STK32C: variants seen among roughly 807,000 people sequenced by gnomAD.
STK32C encodes the protein serine/threonine-protein kinase 32C.
Under a neutral mutation model 56.5 loss-of-function variants are expected in STK32C, and 31 were observed. The ratio of observed to expected loss-of-function variants is 0.55; its 90% CI spans 0.41 to 0.74. STK32C has a LOEUF of 0.74. Among genes scored for constraint, STK32C ranks in the 30% least tolerant of loss-of-function variants. The probability of loss-of-function intolerance (pLI) is 0.00; values close to 1 mark genes in which losing one functional copy is unlikely to be tolerated. For missense variants in STK32C, 544 were observed against 676.9 expected (o/e 0.80, Z 2.18); for synonymous variants, 309 against 289.4 (o/e 1.07, Z -0.69).
At chr10:132,215,736 T>C (rs899974307) in intron 10 of STK32C, among the ~76,000 whole-genome samples, 1 of 152,138 alleles carries the variant, frequency 6.6e-6, no homozygotes, top group South Asian at 2.1e-4. Context: ...TACCTGAAAA[T>C]GTGGAAGCAA....
chr10:132,217,304 A>G (rs2062502900), intron 10 of STK32C, among the ~76,000 whole-genome samples: 1 of 152,224 alleles, frequency 6.6e-6, no homozygotes, highest in African/African-American at 2.4e-5. Flanking sequence ...TGGGGCCTGT[A>G]GCCCCTTTGT....
At chr10:132,219,565 C>T (rs1283100380) in intron 10 of STK32C, among the ~76,000 whole-genome samples, 1 of 152,200 alleles carries the variant, frequency 6.6e-6, no homozygotes, top group East Asian at 1.9e-4. Flanking sequence ...CCAATGGGGG[C>T]AATGCCAAAG....
rs530150123 is a variant in STK32C, at chr10:132,276,695, G to A, written c.263-30740C>T. Among the ~76,000 whole-genome samples the A allele has an allele frequency of 2.0e-3, 311 of 152,272 alleles. 1 individual carries two copies. Among genetic ancestry groups the A allele is most frequent in the Non-Finnish European group, 3.6e-3 (243 of 68,012 alleles). On this transcript the variant is annotated intron_variant, in intron 1 of 11. Coordinates refer to ENST00000298630, the MANE Select transcript of STK32C (RefSeq NM_173575.4). Reference sequence around the variant, plus strand: ...CCAGCTACTCAGGAGACTGGGGCGGGAGGATTGCTTGAGCCCAGGAGCTCA... The same window carrying A: ...CCAGCTACTCAGGAGACTGGGGCGGAAGGATTGCTTGAGCCCAGGAGCTCA...
At chr10:132,292,363 TCA>T (rs1051598600) in intron 1 of STK32C, among the ~76,000 whole-genome samples, 3 of 152,020 alleles carry the variant, frequency 2.0e-5, no homozygotes, top group African/African-American at 4.8e-5. Context: ...CACTCAATGC[TCA>T]CACACTCACC....
chr10:132,257,162 C>T (rs1337915336), intron 1 of STK32C, among the ~76,000 whole-genome samples: 1 of 152,136 alleles, frequency 6.6e-6, no homozygotes, highest in East Asian at 1.9e-4. Context: ...GGGGGTGAGG[C>T]CTGTGGATAC....
At position 132,208,206 on chromosome 10, in the gene STK32C, G is replaced by A. The variant is rs1024418843; in HGVS notation, c.1320-55C>T. The stretch of plus-strand genomic sequence containing the variant: ...TATGCCCCCACCTCCCTGGCCTCAC[G>A]GTCCCATGACCTGCCCACGGGCTCA... On this transcript the variant is annotated intron_variant, in intron 11 of 11. Transcript: ENST00000298630. 52 of 1,290,222 alleles carry A rather than the reference G, an allele frequency of 4.0e-5. No individual in the cohort carries two copies. The Admixed American group carries it at 7.2e-4, about 18-fold the overall frequency. The allele number at this position is 1,290,222 out of a possible 1,614,324, so 79.9% of individuals were successfully genotyped here.
At chr10:132,311,884 A>G (rs1345831852), upstream of STK32C, among the ~76,000 whole-genome samples, 1 of 152,208 alleles carries the variant, frequency 6.6e-6, no homozygotes, top group Non-Finnish European at 1.5e-5. This position sits in a 1 kb window ranked among gnomAD's most constrained non-coding sequence, Gnocchi z 4.4. Flanking sequence ...GCCGGCACGG[A>G]CATGTCCTTT....
At chr10:132,292,123 C>G (rs2065584296) in intron 1 of STK32C, among the ~76,000 whole-genome samples, 1 of 152,170 alleles carries the variant, frequency 6.6e-6, no homozygotes, top group African/African-American at 2.4e-5. Flanking sequence ...AACACTTCAG[C>G]TACTCTCTAA....
At position 132,284,304 on chromosome 10, in the gene STK32C, A is replaced by AG. The variant is rs2065310533; in HGVS notation, c.262+23267dup. On this transcript the variant is annotated intron_variant, in intron 1 of 11. Transcript: ENST00000298630. The stretch of plus-strand genomic sequence containing the variant: ...CAGGTGAGGTTGGGGGGGGCAGGTG[A>AG]GGTTGGGGGGGCAGGTGAGGTTGGG... Among the ~76,000 whole-genome samples, 3 of 54,708 alleles carry AG rather than the reference A, an allele frequency of 5.5e-5. No homozygotes were observed. In the East Asian group the frequency reaches 1.7e-3, roughly 31 times the overall value. The allele number at this position is 54,708 out of a possible 152,430, so 35.9% of individuals were successfully genotyped here.
In STK32C at chr10:132,207,781, C is replaced by T. The variant is rs1209756209; in HGVS notation, c.*229G>A. On this transcript the variant is annotated 3_prime_UTR_variant, in exon 12 of 12. Transcript: ENST00000298630. ...CCCAGCAGCGCTTCCTCCATCTAGG[C>T]GGGTCTCGGGGGCCCACGGGAAATG... is the stretch of plus-strand genomic sequence containing the variant. 1.3e-5 allele frequency: 6 copies of T among 455,038 alleles called. No homozygotes were observed. Among genetic ancestry groups the T allele is most frequent in the Admixed American group, 9.0e-5 (2 of 22,102 alleles). The allele number at this position is 455,038 out of a possible 1,614,324, so 28.2% of individuals were successfully genotyped here.
At chr10:132,212,819 A>G (rs143636736) in intron 10 of STK32C, among the ~76,000 whole-genome samples, 38 of 152,346 alleles carry the variant, frequency 2.5e-4, no homozygotes, top group Admixed American at 5.2e-4. Context: ...ATGAAAATCA[A>G]TGACTTTTCC....
intron 4 of STK32C, among the ~76,000 whole-genome samples, chr10:132,226,456 G>A (rs989258387): frequency 6.6e-6 from 1 of 152,182 alleles, no homozygotes; most frequent in Non-Finnish European, 1.5e-5. Context: ...GGGATGTGGT[G>A]GATGGGCAAA....
intron 1 of STK32C, among the ~76,000 whole-genome samples, chr10:132,265,885 C>A (rs1295057086): frequency 6.6e-6 from 1 of 152,168 alleles, no homozygotes; most frequent in Non-Finnish European, 1.5e-5. Flanking sequence ...GGCACCTTGA[C>A]CCACATGCTA....
chr10:132,231,120 C>T (rs549840911), intron 2 of STK32C, among the ~76,000 whole-genome samples: 78 of 152,334 alleles, frequency 5.1e-4, no homozygotes, highest in Non-Finnish European at 1.0e-3. Context: ...GGCCCTGTGA[C>T]CCAAGCCTGC....
intron 1 of STK32C, among the ~76,000 whole-genome samples, chr10:132,262,052 G>A (rs1396396892): frequency 1.3e-5 from 2 of 152,034 alleles, no homozygotes; most frequent in Non-Finnish European, 2.9e-5. Flanking sequence ...TCTACTACAG[G>A]GCCAAAGTAA....
At position 132,207,761 on chromosome 10, in the gene STK32C, C is replaced by T. The variant is rs187825145; in HGVS notation, c.*249G>A. The T allele has an allele frequency of 4.8e-5, 19 of 397,308 alleles. No individual in the cohort carries two copies. In the Admixed American group the frequency reaches 6.0e-4, roughly 13 times the overall value. The allele number at this position is 397,308 out of a possible 1,614,324, so 24.6% of individuals were successfully genotyped here. ...CCGTGAGCGGTAAGAGGGCGCCCAG[C>T]AGCGCTTCCTCCATCTAGGCGGGTC... is the stretch of plus-strand genomic sequence containing the variant. On this transcript the variant is annotated 3_prime_UTR_variant, in exon 12 of 12. Transcript: ENST00000298630.
At chr10:132,251,283 G>A (rs986368179) in intron 1 of STK32C, among the ~76,000 whole-genome samples, 1 of 152,204 alleles carries the variant, frequency 6.6e-6, no homozygotes, top group African/African-American at 2.4e-5. Context: ...CAGAGGCCAG[G>A]CCCCTGCAAT....
rs746061158 is a variant in STK32C, at chr10:132,331,726, G to A, written c.11C>T (p.Ala4Val). The A allele has an allele frequency of 2.2e-5, 36 of 1,612,260 alleles. No individual in the cohort carries two copies. The African/African-American group carries it at 4.1e-4, about 19-fold the overall frequency. ...CCCGGGCCCTCCGGCTCCCCAGACG[G>A]CACTTAGCATCCCGCTCTCTTCCTT... The change falls in exon 1 of 2, where the codon GCC becomes GTC. Residue 4 changes from alanine to valine, a missense_variant. Physicochemically the swap from Ala to Val is moderately conservative, Grantham distance 64. Coordinates refer to the STK32C transcript ENST00000368619.
downstream of STK32C, among the ~76,000 whole-genome samples, chr10:132,322,817 G>A (rs551245918): frequency 7.9e-5 from 12 of 152,316 alleles, no homozygotes; most frequent in South Asian, 1.9e-3. Context: ...GGTGGAGGTC[G>A]TGGTTCTCTG....
Sources: gnomAD v4.1 joint callset for allele counts (sites outside exome capture counted in the v4.1 genomes callset) on GRCh38, gnomAD v4.1.1 for gene constraint, Gnocchi (gnomAD v3.1) non-coding constraint, MANE v1.5 for transcripts, NCBI Gene and HGNC (gene_info 2026-07-23, HGNC 2026-07-21) for gene names.